The following CFAP418 variants were observed in gnomAD, a reference collection of about 807,000 sequenced individuals.
The protein encoded by CFAP418 is cilia- and flagella-associated protein 418.
A neutral mutation model predicts 24.7 loss-of-function variants in CFAP418; 27 were observed. The observed-to-expected ratio is 1.09, with a 90% CI of 0.81 to 1.51. The LOEUF (loss-of-function observed/expected upper bound fraction) is 1.51. Among genes scored for constraint, CFAP418 ranks in the 40% most tolerant of loss-of-function variants. The probability of loss-of-function intolerance (pLI) is 0.00; values close to 1 mark genes in which losing one functional copy is unlikely to be tolerated. For missense variants in CFAP418, 257 were observed against 255.2 expected, an observed-to-expected ratio of 1.01 and a Z score of -0.05; for synonymous variants, 74 against 87.3, an observed-to-expected ratio of 0.85 and a Z score of 0.85.
chr8:95,259,353 A>G (rs1811848023), intron 4 of CFAP418, among the ~76,000 whole-genome samples: 2 of 152,212 alleles, frequency 1.3e-5, no homozygotes, highest in African/African-American at 4.8e-5. Flanking sequence ...CTGAGTGAGA[A>G]AGTGGAGGCA....
intron 1 of CFAP418, among the ~76,000 whole-genome samples, chr8:95,267,367 C>T (rs1320710256): frequency 6.6e-6 from 1 of 152,186 alleles, no homozygotes; most frequent in African/African-American, 2.4e-5. Flanking sequence ...TTTGGGAGGC[C>T]GAGGTGGGTG....
chr8:95,251,563 C>T (rs1339666412), intron 5 of CFAP418, among the ~76,000 whole-genome samples: 2 of 152,034 alleles, frequency 1.3e-5, no homozygotes, highest in East Asian at 1.9e-4. Context: ...AGCAGGAGGA[C>T]GGTATACTCT....
chr8:95,265,137 G>A (rs1811956185), intron 1 of CFAP418, among the ~76,000 whole-genome samples: 1 of 151,988 alleles, frequency 6.6e-6, no homozygotes, highest in Non-Finnish European at 1.5e-5. Context: ...GTGTATGTGG[G>A]GGCAGGAGAC....
rs950551435 is a variant in CFAP418 at position 95,246,269 on chromosome 8, G to C, written c.*1348C>G. On this transcript the variant is annotated 3_prime_UTR_variant, in exon 6 of 6. Transcript: ENST00000286688. ...CTCCCAAAGTGCTGGGATTACAGGC[G>C]TGAGCTACCATGCTTAGTCTGTCAT... 1.3e-5 allele frequency: 2 copies of C among 152,194 alleles called. No individual in the cohort carries two copies. The highest frequency in any genetic ancestry group is 2.9e-5 in the Non-Finnish European group (2 of 68,058). The allele number at this position is 152,194 out of a possible 1,614,324, so 9.4% of individuals were successfully genotyped here. A position where few individuals can be genotyped will look rare whatever the true frequency, so the allele number is the denominator to read the frequency against.
At chr8:95,252,419 T>C (rs1330440688) in intron 4 of CFAP418, 136 bp from the exon 5 acceptor site, 6 of 600,884 alleles carry the variant, frequency 1.0e-5, no homozygotes, top group South Asian at 8.0e-5. Context: ...CAGATTAATC[T>C]GATTATAAAT....
Position 95,259,834 on chromosome 8 carries a change from A to G in CFAP418, c.374+6T>C. ...AAGAAAGTATAATACATTTCTGACA[A>G]CCTACCTCCATGAAATATTTGTTCC... On this transcript the variant is annotated splice_donor_region_variant and intron_variant, in intron 4 of 5. Transcript: ENST00000286688. 1 of 1,602,646 alleles carries G rather than the reference A, an allele frequency of 6.2e-7. No homozygotes were observed. The highest frequency in any genetic ancestry group is 8.5e-7 in the Non-Finnish European group (1 of 1,175,910).
At position 95,256,980 on chromosome 8, in the gene CFAP418, A is replaced by G. The variant is rs530121701; in HGVS notation, c.374+2860T>C. ...TAACAATTTGGTAAAGCAAATAGTG[A>G]GTTTAGAGTTAATGTGAGACAAATG... On this transcript the variant is annotated intron_variant, in intron 4 of 5. Coordinates refer to ENST00000286688, the MANE Select transcript of CFAP418 (RefSeq NM_177965.4). 3.3e-5 allele frequency among the ~76,000 whole-genome samples: 5 copies of G among 152,376 alleles called. No homozygotes were observed. The South Asian group carries it at 1.0e-3, about 32-fold the overall frequency.
rs1237045274 is a variant in CFAP418, at chr8:95,255,761, T to G, written c.375-3478A>C. Among the ~76,000 whole-genome samples the G allele has an allele frequency of 3.3e-5, 5 of 152,366 alleles. No individual in the cohort carries two copies. In the East Asian group the frequency reaches 7.7e-4, roughly 23 times the overall value. On this transcript the variant is annotated intron_variant, in intron 4 of 5. Transcript: ENST00000286688. ...TTTATAAAATGGAGGTAAAAATTCT[T>G]GATCAGCATCTTGGGTTTTTCTCTT...
intron 1 of CFAP418, among the ~76,000 whole-genome samples, chr8:95,266,889 T>C (rs2132166908): frequency 6.6e-6 from 1 of 152,322 alleles, no homozygotes; most frequent in Admixed American, 6.5e-5. Flanking sequence ...TTGGAGAAGA[T>C]CCACATAAAT....
At chr8:95,252,095 G>C in intron 5 of CFAP418, 93 bp downstream of exon 5, 1 of 916,694 alleles carries the variant, frequency 1.1e-6, no homozygotes, top group South Asian at 1.5e-5. Context: ...AAGCCCACAA[G>C]ATCTGGCTGA....
intron 1 of CFAP418, among the ~76,000 whole-genome samples, chr8:95,266,756 T>A (rs1811987205): frequency 6.6e-6 from 1 of 152,224 alleles, no homozygotes; most frequent in African/African-American, 2.4e-5. Flanking sequence ...AACAGTACTG[T>A]TTCACTAAGG....
intron 1 of CFAP418, among the ~76,000 whole-genome samples, chr8:95,267,461 C>A (rs934749335): frequency 6.6e-6 from 1 of 152,070 alleles, no homozygotes; most frequent in South Asian, 2.1e-4. Flanking sequence ...ATTAGCCAGG[C>A]GTGGTGGCGG....
Position 95,258,149 on chromosome 8 carries a change from G to A in CFAP418, c.374+1691C>T, listed in dbSNP as rs1304866100. Among the ~76,000 whole-genome samples the A allele has an allele frequency of 2.0e-5, 3 of 152,094 alleles. No homozygotes were observed. In the East Asian group the frequency reaches 5.8e-4, roughly 29 times the overall value. ...TGTAATCCCAGCACCGTGGGAGGCC[G>A]AGGAGAACAGATCATGAGGTCAGGA... On this transcript the variant is annotated intron_variant, in intron 4 of 5. Coordinates refer to ENST00000286688, the MANE Select transcript of CFAP418 (RefSeq NM_177965.4).
chr8:95,259,862 T>A lies in CFAP418; in HGVS notation c.352A>T (p.Ile118Phe). ...TACCTCCATGAAATATTTGTTCCAA[T>A]CCCACATGGAATAGAGCTTCCACCA... is the stretch of plus-strand genomic sequence containing the variant. ...YLGGSSIPCGIGTNISWRACD... is the reference protein window; with the variant it reads ...YLGGSSIPCGFGTNISWRACD... The change falls in exon 4 of 6, where the codon ATT (isoleucine) becomes TTT (phenylalanine). Residue 118 changes from isoleucine to phenylalanine, a missense_variant. Transcript: ENST00000286688. The A allele has an allele frequency of 6.2e-7, 1 of 1,609,728 alleles. No homozygotes were observed. Among genetic ancestry groups the A allele is most frequent in the Non-Finnish European group, 8.5e-7 (1 of 1,178,812 alleles).
At chr8:95,251,295 G>A (rs1030969676) in intron 5 of CFAP418, among the ~76,000 whole-genome samples, 19 of 152,182 alleles carry the variant, frequency 1.2e-4, no homozygotes, top group African/African-American at 4.6e-4. Context: ...GAAGACATGT[G>A]ATGAATTATA....
intron 4 of CFAP418, among the ~76,000 whole-genome samples, chr8:95,253,878 A>G (rs546875759): frequency 6.6e-6 from 1 of 152,230 alleles, no homozygotes; most frequent in Non-Finnish European, 1.5e-5. Context: ...GCCTTAATAC[A>G]TATGTGCAAT....
chr8:95,256,718 G>A (rs920097353), intron 4 of CFAP418, among the ~76,000 whole-genome samples: 4 of 152,268 alleles, frequency 2.6e-5, no homozygotes, highest in Admixed American at 2.0e-4. Context: ...TTAAAAAATC[G>A]AAAAAATTTA....
intron 5 of CFAP418, among the ~76,000 whole-genome samples, chr8:95,251,066 G>A (rs2132154179): frequency 6.6e-6 from 1 of 152,238 alleles, no homozygotes; most frequent in Non-Finnish European, 1.5e-5. Flanking sequence ...TTTATAACTT[G>A]TAACACCTTA....
chr8:95,259,924 T>C lies in CFAP418; in HGVS notation c.309-19A>G. 1 of 1,547,102 alleles carries C rather than the reference T, an allele frequency of 6.5e-7. No homozygotes were observed. The highest frequency in any genetic ancestry group is 8.7e-7 in the Non-Finnish European group (1 of 1,154,930). On this transcript the variant is annotated intron_variant, in intron 3 of 5. Transcript: ENST00000286688. ...ACTGCAACTAGATGTGTTCAACAGA[T>C]GCAAAAATATGAAGTTATAACAAAA...
Sources: gnomAD v4.1 joint callset for allele counts (sites outside exome capture counted in the v4.1 genomes callset) on GRCh38, gnomAD v4.1.1 for gene constraint, MANE v1.5 for transcripts, NCBI Gene and HGNC (gene_info 2026-07-23, HGNC 2026-07-21) for gene names.